CACNG8: variants seen among roughly 807,000 people sequenced by gnomAD.
CACNG8 encodes the protein voltage-dependent calcium channel gamma-8 subunit.
Under a neutral mutation model 26.9 loss-of-function variants are expected in CACNG8, and 5 were observed. That is an observed-to-expected ratio of 0.19 (90% confidence interval 0.10 to 0.39). The LOEUF is 0.39. Among genes scored for constraint, CACNG8 ranks in the 10% least tolerant of loss-of-function variants. The pLI is 1.00. For missense variants in CACNG8, 473 were observed against 609.4 expected (o/e 0.78, Z 2.36); for synonymous variants, 321 against 296.7 (o/e 1.08, Z -0.84).
chr19:53,982,772 C>A lies in CACNG8; in HGVS notation c.1201C>A (p.Pro401Thr). ...GCCCGCGCCACCCGCGCCCTCTGCG[C>A]CCGCCCCCGGGACCCTGGCCAAGGA... is the stretch of plus-strand genomic sequence containing the variant. The change falls in exon 4 of 4, where the codon CCC (proline) becomes ACC (threonine). Residue 401 changes from proline to threonine, a missense_variant. Physicochemically the swap from Pro to Thr is conservative, Grantham distance 38 (BLOSUM62 -1). Around this residue, in one of 6 missense-constraint regions of CACNG8, gnomAD observed 212 missense variants for 214.4 expected, o/e 0.99. Coordinates refer to ENST00000270458, the MANE Select transcript of CACNG8 (RefSeq NM_031895.6). This position sits in a 1 kb window ranked among gnomAD's most constrained non-coding sequence, Gnocchi z 8.4. 1 of 1,279,260 alleles carries A rather than the reference C, an allele frequency of 7.8e-7. No homozygotes were observed. Among genetic ancestry groups the A allele is most frequent in the South Asian group, 2.2e-5 (1 of 46,352 alleles). 79.2% of individuals were successfully genotyped at this position (1,279,260 alleles called of 1,614,324 possible). A position where few individuals can be genotyped will look rare whatever the true frequency, so the allele number is the denominator to read the frequency against.
intron 3 of CACNG8, among the ~76,000 whole-genome samples, chr19:53,981,242 G>A (rs1952887067): frequency 1.3e-5 from 2 of 152,184 alleles, no homozygotes; most frequent in South Asian, 4.1e-4. Flanking sequence ...AGAGGGATGA[G>A]GCTTGGGAAA....
At chr19:53,969,474 G>GTTTTTTTT in intron 1 of CACNG8, among the ~76,000 whole-genome samples, 1 of 150,550 alleles carries the variant, frequency 6.6e-6, no homozygotes. Context: ...GCCCAGCCTG[G>GTTTTTTTT]TCTAGAACTC....
At position 53,962,941 on chromosome 19, in the gene CACNG8, GC is replaced by G. The variant is rs1282151277; in HGVS notation, c.-199del. On this transcript the variant is annotated 5_prime_UTR_variant, in exon 1 of 4. Coordinates refer to ENST00000270458, the MANE Select transcript of CACNG8 (RefSeq NM_031895.6). ...CCTCTAATGCGAGATCTCGCTCCTTGCCCTCCACCAGCCGCCGACCATGGCC... is the reference window on the plus strand; with the variant it reads ...CCTCTAATGCGAGATCTCGCTCCTTGCCTCCACCAGCCGCCGACCATGGCC... 2 of 329,470 alleles carry G rather than the reference GC, an allele frequency of 6.1e-6. No individual in the cohort carries two copies. Among genetic ancestry groups the G allele is most frequent in the African/African-American group, 4.6e-5 (2 of 43,898 alleles). 20.4% of individuals were successfully genotyped at this position (329,470 alleles called of 1,614,324 possible).
At position 53,982,953 on chromosome 19, in the gene CACNG8, C is replaced by A; in HGVS notation, c.*104C>A. 1 of 746,686 alleles carries A rather than the reference C, an allele frequency of 1.3e-6. No individual in the cohort carries two copies. 46.3% of individuals were successfully genotyped at this position (746,686 alleles called of 1,614,324 possible). A position where few individuals can be genotyped will look rare whatever the true frequency, so the allele number is the denominator to read the frequency against. ...GCGCCCCCGCTTTCCCCCGTGAGCG[C>A]GCTGGAGACTGCTGGGCCCGCCCCA... On this transcript the variant is annotated 3_prime_UTR_variant, in exon 4 of 4. Transcript: ENST00000270458. The surrounding 1 kb of genome is among the most constrained non-coding windows in gnomAD (Gnocchi z 8.4).
intron 2 of CACNG8, among the ~76,000 whole-genome samples, chr19:53,978,903 A>G (rs57443175): frequency 0.017 from 2,437 of 140,266 alleles, 81 homozygotes; most frequent in African/African-American, 0.06. Context: ...AGAGGAAGGG[A>G]GTGAAGAGAA....
Position 53,985,439 on chromosome 19 carries a change from T to C in CACNG8, c.*2590T>C, listed in dbSNP as rs999824434. On this transcript the variant is annotated 3_prime_UTR_variant, in exon 4 of 4. Transcript: ENST00000270458. Reference sequence around the variant, plus strand: ...TAGGAAGAATTCTGCCAAGGCGGTTTCAGGAAGAGATGCTGGGAAATGTAG... The same window carrying C: ...TAGGAAGAATTCTGCCAAGGCGGTTCCAGGAAGAGATGCTGGGAAATGTAG... 1.3e-5 allele frequency: 2 copies of C among 152,268 alleles called. No individual in the cohort carries two copies. Among genetic ancestry groups the C allele is most frequent in the African/African-American group, 4.8e-5 (2 of 41,418 alleles). 9.4% of individuals were successfully genotyped at this position (152,268 alleles called of 1,614,324 possible).
At position 53,979,949 on chromosome 19, in the gene CACNG8, C is replaced by T; in HGVS notation, c.450C>T (p.Arg150=). ...GGGGTGTGTGCGTGGCGGCCTCCCG[C>T]GTCTACAAGTCCAAGAGGAACATCA... Residue 150 remains arginine (R), a synonymous_variant, in exon 3 of 4, where the codon CGC becomes CGT. Transcript: ENST00000270458. 6.2e-7 allele frequency: 1 copy of T among 1,612,958 alleles called. No individual in the cohort carries two copies. The highest frequency in any genetic ancestry group is 2.2e-5 in the East Asian group (1 of 44,826).
Position 53,982,136 on chromosome 19 carries a change from G to A in CACNG8, c.565G>A (p.Gly189Ser). 1 of 1,611,090 alleles carries A rather than the reference G, an allele frequency of 6.2e-7. No homozygotes were observed. The highest frequency in any genetic ancestry group is 8.5e-7 in the Non-Finnish European group (1 of 1,178,668). ...CATCTCCGCCAACGCGGGCGAGCCG[G>A]GCCCGAAGCGGGACGAGGAGAAGAA... Residue 189 changes from glycine to serine, a missense_variant, in exon 4 of 4, where the codon GGC becomes AGC. Coordinates refer to ENST00000270458, the MANE Select transcript of CACNG8 (RefSeq NM_031895.6). This position sits in a 1 kb window ranked among gnomAD's most constrained non-coding sequence, Gnocchi z 8.4.
At chr19:53,971,964 A>G (rs1448683046) in intron 1 of CACNG8, among the ~76,000 whole-genome samples, 2 of 152,192 alleles carry the variant, frequency 1.3e-5, no homozygotes, top group Non-Finnish European at 1.5e-5. Context: ...GGCATTAAGC[A>G]TAACTACTGT....
At chr19:53,971,423 T>C (rs1017679273) in intron 1 of CACNG8, among the ~76,000 whole-genome samples, 96 of 152,286 alleles carry the variant, frequency 6.3e-4, no homozygotes, top group African/African-American at 2.3e-3. Context: ...AATGAAATAT[T>C]ATACATAGAC....
intron 1 of CACNG8, among the ~76,000 whole-genome samples, chr19:53,977,857 G>A (rs2069339106): frequency 6.6e-6 from 1 of 152,222 alleles, no homozygotes; most frequent in East Asian, 1.9e-4. Context: ...ACTTAGCGCA[G>A]CTTACAGGAC....
Position 53,982,005 on chromosome 19 carries a change from GGCA to G in CACNG8, c.509-73_509-71del. 6.9e-7 allele frequency: 1 copy of G among 1,459,034 alleles called. No individual in the cohort carries two copies. 90.4% of individuals were successfully genotyped at this position (1,459,034 alleles called of 1,614,324 possible). On this transcript the variant is annotated intron_variant, in intron 3 of 3. Coordinates refer to ENST00000270458, the MANE Select transcript of CACNG8 (RefSeq NM_031895.6). This position sits in a 1 kb window ranked among gnomAD's most constrained non-coding sequence, Gnocchi z 8.4. ...GCGCCTGGGCCCGCTGGCGCAGGCG[GGCA>G]GGGGTCGGGGCCGGGGGCGGGGGCG...
intron 1 of CACNG8, among the ~76,000 whole-genome samples, chr19:53,974,975 A>C (rs2069322710): frequency 6.8e-6 from 1 of 146,880 alleles, no homozygotes; most frequent in African/African-American, 2.5e-5. Context: ...TTAGAGATGG[A>C]ATCTTGCTCT....
intron 1 of CACNG8, among the ~76,000 whole-genome samples, chr19:53,968,594 C>G (rs894285273): frequency 5.3e-5 from 8 of 151,360 alleles, no homozygotes; most frequent in African/African-American, 1.9e-4. Flanking sequence ...ATGGTGAAAC[C>G]CTGTCTCTAC....
intron 2 of CACNG8, among the ~76,000 whole-genome samples, chr19:53,978,864 G>T (rs952486837): frequency 1.4e-5 from 2 of 148,140 alleles, no homozygotes; most frequent in African/African-American, 5.0e-5. Context: ...AGGCCTAAAG[G>T]GGGTAGGGAG....
chr19:53,970,516 T>C (rs1017046501), intron 1 of CACNG8, among the ~76,000 whole-genome samples: 1 of 149,694 alleles, frequency 6.7e-6, no homozygotes, highest in African/African-American at 2.5e-5. Context: ...TCCCAGCTAC[T>C]GGGGAGGCTG....
chr19:53,964,871 G>A lies in CACNG8; in HGVS notation c.283+1446G>A, dbSNP rs145496700. 3.9e-5 allele frequency among the ~76,000 whole-genome samples: 6 copies of A among 152,296 alleles called. No homozygotes were observed. The East Asian group carries it at 9.6e-4, about 24-fold the overall frequency. On this transcript the variant is annotated intron_variant, in intron 1 of 3. Transcript: ENST00000270458. The stretch of plus-strand genomic sequence containing the variant: ...CAGCCTCACAGCCCTTGTCTGCAAC[G>A]TGAAGGAGTGGAACCAGCCATCCTG...
Position 53,963,440 on chromosome 19 carries a change from G to T in CACNG8, c.283+15G>T, listed in dbSNP as rs989054432. On this transcript the variant is annotated intron_variant, in intron 1 of 3. Transcript: ENST00000270458. ...CTGCCTGGAAGGTAGGGTGCGGGCG[G>T]CCCTCCCCGCAGCCCCCGCCGCTCC... 5 of 1,428,526 alleles carry T rather than the reference G, an allele frequency of 3.5e-6. No homozygotes were observed. The highest frequency in any genetic ancestry group is 1.8e-6 in the Non-Finnish European group (2 of 1,097,702). 88.5% of individuals were successfully genotyped at this position (1,428,526 alleles called of 1,614,324 possible).
rs184467106 is a variant in CACNG8 at position 53,976,432 on chromosome 19, T to C, written c.284-1714T>C. Among the ~76,000 whole-genome samples the C allele has an allele frequency of 1.1e-3, 171 of 152,318 alleles. 4 individuals are homozygous for C. Among genetic ancestry groups the C allele is most frequent in the Admixed American group, 9.2e-3 (140 of 15,282 alleles). On this transcript the variant is annotated intron_variant, in intron 1 of 3. Coordinates refer to ENST00000270458, the MANE Select transcript of CACNG8 (RefSeq NM_031895.6). ...CACACAAACCACATGATCTATTTCA[T>C]AGGACTCTTGGGAGCATCAAATGAG...
Sources: allele counts gnomAD v4.1 joint callset (sites outside exome capture counted in the v4.1 genomes callset), GRCh38; gene constraint gnomAD v4.1.1; regional missense constraint gnomAD v4.1.1; non-coding constraint Gnocchi (gnomAD v3.1); transcripts MANE v1.5; gene names NCBI Gene and HGNC (gene_info 2026-07-23, HGNC 2026-07-21).